The following CLCN3 variants were observed in gnomAD, a reference collection of about 807,000 sequenced individuals.
The protein encoded by CLCN3 is H(+)/Cl(-) exchange transporter 3.
In CLCN3, 16 loss-of-function variants were observed where a neutral mutation model predicts 83.4. That is an observed-to-expected ratio of 0.19 (90% CI 0.13 to 0.29). CLCN3 has a LOEUF of 0.29. Among genes scored for constraint, CLCN3 ranks in the 10% least tolerant of loss-of-function variants. The pLI, the probability that CLCN3 is intolerant of heterozygous loss-of-function variation, is 1.00. For synonymous variants in CLCN3, 322 were observed against 346.2 expected, an observed-to-expected ratio of 0.93 and a Z score of 0.78; for missense variants, 544 against 1,006.0, an observed-to-expected ratio of 0.54 and a Z score of 6.21.
chr4:169,659,263 A>G lies in CLCN3; in HGVS notation c.161-20787A>G, dbSNP rs376125324. Reference sequence around the variant, plus strand: ...ATAAAATATTGAACTCTGATCTTCAATAAGCATTGTGCGGTTTTTGTTTTT... The same window carrying G: ...ATAAAATATTGAACTCTGATCTTCAGTAAGCATTGTGCGGTTTTTGTTTTT... On this transcript the variant is annotated intron_variant, in intron 2 of 12. Transcript: ENST00000513761. 6.6e-5 allele frequency among the ~76,000 whole-genome samples: 10 copies of G among 152,188 alleles called. No individual in the cohort carries two copies. The East Asian group carries it at 1.2e-3, about 18-fold the overall frequency.
At chr4:169,672,787 C>T (rs914787596) in intron 2 of CLCN3, among the ~76,000 whole-genome samples, 4 of 152,136 alleles carry the variant, frequency 2.6e-5, no homozygotes, top group African/African-American at 9.7e-5. Flanking sequence ...CCTCAGCCTC[C>T]TGAATAGCTG....
At chr4:169,674,796 G>T (rs988722466) in intron 2 of CLCN3, among the ~76,000 whole-genome samples, 1 of 152,016 alleles carries the variant, frequency 6.6e-6, no homozygotes, top group African/African-American at 2.4e-5. Context: ...TGTCGCCCAG[G>T]CTGGAGTGCA....
intron 1 of CLCN3, among the ~76,000 whole-genome samples, chr4:169,624,833 C>T (rs183220441): frequency 8.0e-4 from 122 of 151,888 alleles, no homozygotes; most frequent in Admixed American, 2.4e-3. Flanking sequence ...CTCTTGTTGC[C>T]CAGGCTGGAG....
chr4:169,638,584 T>C (rs1462919596), intron 2 of CLCN3, among the ~76,000 whole-genome samples: 1 of 152,232 alleles, frequency 6.6e-6, no homozygotes, highest in Non-Finnish European at 1.5e-5. Context: ...CCATTTTTTC[T>C]GTGTTTAAAT....
intron 1 of CLCN3, among the ~76,000 whole-genome samples, chr4:169,622,476 C>G (rs1560822325): frequency 6.6e-6 from 1 of 152,092 alleles, no homozygotes; most frequent in Admixed American, 6.5e-5. Flanking sequence ...GGTTTGGCCA[C>G]TATCGCTGTT....
intron 2 of CLCN3, among the ~76,000 whole-genome samples, chr4:169,662,286 T>C (rs1364712433): frequency 2.6e-4 from 39 of 152,196 alleles, no homozygotes; most frequent in Non-Finnish European, 1.5e-5. Context: ...TGAGACTTAT[T>C]CTATTAATAT....
intron 1 of CLCN3, among the ~76,000 whole-genome samples, chr4:169,629,485 C>T (rs2150198027): frequency 6.6e-6 from 1 of 152,062 alleles, no homozygotes; most frequent in South Asian, 2.1e-4. Context: ...ATTCTTCTGC[C>T]TCGGCCTCCT....
At chr4:169,624,192 G>T (rs1773174026) in intron 1 of CLCN3, among the ~76,000 whole-genome samples, 1 of 152,092 alleles carries the variant, frequency 6.6e-6, no homozygotes, top group Non-Finnish European at 1.5e-5. Flanking sequence ...GGAGTGTAGT[G>T]GTGCAATCTC....
intron 7 of CLCN3, among the ~76,000 whole-genome samples, chr4:169,693,290 C>T (rs1023176246): frequency 2.0e-5 from 3 of 152,154 alleles, no homozygotes; most frequent in African/African-American, 7.2e-5. Context: ...TTCAGATTGT[C>T]GTAGTTTCAT....
At chr4:169,696,222 T>G in intron 8 of CLCN3, among the ~76,000 whole-genome samples, 1 of 152,166 alleles carries the variant, frequency 6.6e-6, no homozygotes, top group East Asian at 1.9e-4. Context: ...CCCAAGTAGT[T>G]TTTGTTTAAA....
chr4:169,677,102 TC>T (rs1344430869), intron 2 of CLCN3, among the ~76,000 whole-genome samples: 1 of 151,984 alleles, frequency 6.6e-6, no homozygotes. Context: ...CCTTGGAACT[TC>T]AGTATTTGAA....
chr4:169,680,355 T>G, intron 3 of CLCN3, 148 bp downstream of exon 3: 2 of 610,974 alleles, frequency 3.3e-6, no homozygotes, highest in Non-Finnish European at 5.6e-6. Context: ...TGTTTTTTTC[T>G]TTTTCTATGT....
chr4:169,622,932 C>T (rs4692571), intron 1 of CLCN3, among the ~76,000 whole-genome samples: 26,075 of 152,188 alleles, frequency 0.17, 2,816 homozygotes, highest in South Asian at 0.31. Flanking sequence ...AATCTTACTA[C>T]TCTAATAAAC....
chr4:169,636,540 C>A (rs752472875), intron 2 of CLCN3, among the ~76,000 whole-genome samples: 1 of 152,114 alleles, frequency 6.6e-6, no homozygotes, highest in Non-Finnish European at 1.5e-5. Flanking sequence ...ATTAATTTTG[C>A]AAGTATTTAA....
chr4:169,699,059 ACTTT>A (rs961691014), intron 9 of CLCN3, among the ~76,000 whole-genome samples: 8 of 152,104 alleles, frequency 5.3e-5, no homozygotes, highest in Non-Finnish European at 1.0e-4. Context: ...TTGCTTCGAA[ACTTT>A]CTTTCTGCCA....
intron 2 of CLCN3, chr4:169,643,215 T>A (rs1317453727): frequency 6.6e-6 from 1 of 151,782 alleles, no homozygotes; most frequent in Non-Finnish European, 1.5e-5. Flanking sequence ...AAGTCAGGAG[T>A]CTTCATTCAA....
At chr4:169,664,618 A>G (rs1035949297) in intron 2 of CLCN3, among the ~76,000 whole-genome samples, 4 of 152,260 alleles carry the variant, frequency 2.6e-5, no homozygotes, top group Non-Finnish European at 5.9e-5. Context: ...ATTTGGTGTC[A>G]GAAACTCCTT....
chr4:169,668,805 A>C (rs1731351599), intron 2 of CLCN3, among the ~76,000 whole-genome samples: 1 of 151,284 alleles, frequency 6.6e-6, no homozygotes. Context: ...CAAGAGCTGG[A>C]TATTTAGGTA....
intron 1 of CLCN3, among the ~76,000 whole-genome samples, chr4:169,633,691 G>T (rs1773437781): frequency 6.6e-6 from 1 of 152,202 alleles, no homozygotes; most frequent in Admixed American, 6.5e-5. Context: ...AAGGTAAAAA[G>T]AAAGTGGTGA....
Sources: allele counts gnomAD v4.1 joint callset (sites outside exome capture counted in the v4.1 genomes callset), GRCh38; gene constraint gnomAD v4.1.1; transcripts MANE v1.5; gene names NCBI Gene and HGNC (gene_info 2026-07-23, HGNC 2026-07-21).